Variants in ANKFN1 observed in about 807,000 individuals in gnomAD.
ANKFN1 encodes the protein ankyrin repeat and fibronectin type III domain containing 1.
A neutral mutation model predicts 108.7 loss-of-function variants in ANKFN1; 74 were observed. The ratio of observed to expected loss-of-function variants is 0.68; its 90% CI spans 0.56 to 0.83. The LOEUF is 0.83. Among genes scored for constraint, ANKFN1 ranks in the 40% least tolerant of loss-of-function variants. ANKFN1 has a pLI of 0.00. For synonymous variants in ANKFN1, 547 were observed against 516.2 expected (o/e 1.06, Z -0.81); for missense variants, 1,505 against 1,382.3 (o/e 1.09, Z -1.41).
chr17:56,236,284 CCT>C (rs752707039), intron 3 of ANKFN1, among the ~76,000 whole-genome samples: 1 of 152,086 alleles, frequency 6.6e-6, no homozygotes, highest in Non-Finnish European at 1.5e-5. Context: ...GTCTCGAACT[CCT>C]GACCTCATGA....
chr17:56,217,588 A>G (rs1329531166), intron 2 of ANKFN1, among the ~76,000 whole-genome samples: 2 of 152,162 alleles, frequency 1.3e-5, no homozygotes, highest in Non-Finnish European at 2.9e-5. Context: ...ACACTGCCAA[A>G]TATCCTACAA....
At chr17:56,482,330 T>A (rs752482484) in intron 17 of ANKFN1, 26 bp from the exon 18 acceptor site, 1 of 1,549,356 alleles carries the variant, frequency 6.5e-7, no homozygotes, top group Admixed American at 1.9e-5. Flanking sequence ...CTCTCCTATT[T>A]TTCCTCCGCG....
chr17:56,082,093 T>C (rs1252350499), intron 4 of ANKFN1, among the ~76,000 whole-genome samples: 1 of 152,168 alleles, frequency 6.6e-6, no homozygotes, highest in African/African-American at 2.4e-5. Flanking sequence ...ACTTTCCTGG[T>C]GGGGTTTGGG....
chr17:56,326,663 G>T (rs1052954757), intron 4 of ANKFN1, among the ~76,000 whole-genome samples: 1 of 152,136 alleles, frequency 6.6e-6, no homozygotes, highest in African/African-American at 2.4e-5. Flanking sequence ...ATTAGCATTG[G>T]CTATGAAAAA....
intron 4 of ANKFN1, among the ~76,000 whole-genome samples, chr17:56,094,471 CTTCT>C (rs1905479970): frequency 1.1e-5 from 1 of 94,058 alleles, no homozygotes; most frequent in East Asian, 3.2e-4. Context: ...TCAGTTGTTT[CTTCT>C]TTTTTTTTTT....
chr17:56,083,158 A>G (rs1204403194), intron 4 of ANKFN1, among the ~76,000 whole-genome samples: 1 of 151,364 alleles, frequency 6.6e-6, no homozygotes, highest in Non-Finnish European at 1.5e-5. Flanking sequence ...GTGGACACTC[A>G]GAGAACGGAA....
chr17:56,499,588 G>A (rs1396730951), intron 20 of ANKFN1, among the ~76,000 whole-genome samples: 24 of 152,154 alleles, frequency 1.6e-4, no homozygotes, highest in Admixed American at 1.6e-3. Context: ...TAGAGTGGAA[G>A]GTGGGAAAGA....
At chr17:56,255,783 G>A (rs757363834) in intron 3 of ANKFN1, among the ~76,000 whole-genome samples, 4 of 152,096 alleles carry the variant, frequency 2.6e-5, no homozygotes, top group South Asian at 2.1e-4. Context: ...TTTGGGTACC[G>A]TGATTATATT....
intron 4 of ANKFN1, among the ~76,000 whole-genome samples, chr17:56,046,550 T>C (rs1043750145): frequency 2.0e-5 from 3 of 152,200 alleles, no homozygotes; most frequent in Non-Finnish European, 4.4e-5. Flanking sequence ...ATATTTTCTT[T>C]TTTTTCCTTC....
intron 1 of ANKFN1, among the ~76,000 whole-genome samples, chr17:56,160,706 T>C (rs2143500455): frequency 6.6e-6 from 1 of 152,316 alleles, no homozygotes. Context: ...AGCCAAGTAA[T>C]GGTAAGTATG....
intron 14 of ANKFN1, among the ~76,000 whole-genome samples, chr17:56,464,607 A>G (rs1015306603): frequency 6.6e-6 from 1 of 152,154 alleles, no homozygotes; most frequent in Non-Finnish European, 1.5e-5. Flanking sequence ...GGGAGGTGAA[A>G]TCTGGGATGG....
intron 3 of ANKFN1, among the ~76,000 whole-genome samples, chr17:56,242,133 A>C (rs1019959218): frequency 4.6e-5 from 7 of 152,166 alleles, no homozygotes; most frequent in African/African-American, 1.7e-4. Flanking sequence ...GTAATTTTTC[A>C]TAGCTGATAG....
intron 6 of ANKFN1, among the ~76,000 whole-genome samples, chr17:56,370,579 C>G (rs111582869): frequency 6.6e-6 from 1 of 152,226 alleles, no homozygotes; most frequent in East Asian, 1.9e-4. Flanking sequence ...GACAATTCCC[C>G]CATTTTCTCT....
intron 4 of ANKFN1, among the ~76,000 whole-genome samples, chr17:56,047,517 T>C (rs1471900739): frequency 1.3e-5 from 2 of 152,000 alleles, no homozygotes; most frequent in East Asian, 3.9e-4. Context: ...CACAACTGAA[T>C]GCTGTTATGT....
At chr17:56,210,073 G>GATAGATAC (rs1477924219) in intron 1 of ANKFN1, among the ~76,000 whole-genome samples, 1 of 151,488 alleles carries the variant, frequency 6.6e-6, no homozygotes. Context: ...TAGATAGATA[G>GATAGATAC]ATAGATAGAT....
intron 1 of ANKFN1, among the ~76,000 whole-genome samples, chr17:56,204,362 A>G (rs1207676703): frequency 2.0e-5 from 3 of 150,524 alleles, no homozygotes; most frequent in Non-Finnish European, 4.4e-5. Context: ...TATTTTTGAG[A>G]CAGAGTTTTG....
chr17:56,413,898 G>A (rs1161079238), intron 8 of ANKFN1, among the ~76,000 whole-genome samples: 2 of 151,870 alleles, frequency 1.3e-5, no homozygotes, highest in Non-Finnish European at 2.9e-5. Flanking sequence ...GTCTGGTCTC[G>A]AACTCCTGAC....
intron 18 of ANKFN1, among the ~76,000 whole-genome samples, chr17:56,483,354 G>A (rs2050770744): frequency 6.6e-6 from 1 of 152,204 alleles, no homozygotes; most frequent in African/African-American, 2.4e-5. Context: ...GAGTGAGTGG[G>A]TGGGTGGAAT....
chr17:56,188,581 GTATATATATATATA>G (rs61556880), intron 1 of ANKFN1, among the ~76,000 whole-genome samples: 27 of 49,652 alleles, frequency 5.4e-4, no homozygotes, highest in Admixed American at 1.7e-3. Flanking sequence ...GTGTGTGTGT[GTATATATATATATA>G]TATATATATA....
Sources: allele counts gnomAD v4.1 joint callset (sites outside exome capture counted in the v4.1 genomes callset), GRCh38; gene constraint gnomAD v4.1.1; transcripts MANE v1.5; gene names NCBI Gene and HGNC (gene_info 2026-07-23, HGNC 2026-07-21).